Variants in EPB41L1 observed in about 807,000 individuals in gnomAD.
The protein encoded by EPB41L1 is band 4.1-like protein 1.
EPB41L1 carries 29 observed loss-of-function variants against 97.8 expected under a neutral mutation model. The observed-to-expected ratio is 0.30, with a 90% confidence interval of 0.22 to 0.40. The LOEUF (loss-of-function observed/expected upper bound fraction) is 0.40, where lower values mean the gene tolerates loss of function less well. Ranked by LOEUF, EPB41L1 falls within the 10% of genes least tolerant of loss-of-function variation. The pLI, the probability that EPB41L1 is intolerant of heterozygous loss-of-function variation, is 1.00. For synonymous variants in EPB41L1, 383 were observed against 459.2 expected (o/e 0.83, Z 2.12); for missense variants, 812 against 1,162.3 (o/e 0.70, Z 4.38).
intron 9 of EPB41L1, 142 bp downstream of exon 9, chr20:36,188,641 C>CACACACAG (rs1170858082): frequency 9.1e-4 from 249 of 272,490 alleles, no homozygotes; most frequent in East Asian, 3.2e-3. Flanking sequence ...CACACACACA[C>CACACACAG]AGAGAGAGAG....
At chr20:36,188,305 A>G (rs2146283205) in intron 8 of EPB41L1, 42 bp from the exon 9 acceptor site, 2 of 1,611,712 alleles carry the variant, frequency 1.2e-6, no homozygotes, top group Non-Finnish European at 1.7e-6. Flanking sequence ...GTCCCCAGGC[A>G]TGGACCCCGG....
At chr20:36,094,968 A>AT (rs1179706781) in intron 1 of EPB41L1, among the ~76,000 whole-genome samples, 351 of 144,834 alleles carry the variant, frequency 2.4e-3, no homozygotes, top group Middle Eastern at 7.2e-3. Flanking sequence ...CGCCCAGCTA[A>AT]TTTTTTTTTT....
chr20:36,177,539 C>G (rs139553368), intron 3 of EPB41L1, among the ~76,000 whole-genome samples: 2 of 152,192 alleles, frequency 1.3e-5, no homozygotes, highest in Non-Finnish European at 2.9e-5. Flanking sequence ...TCCCCCTGCC[C>G]GCTTCTGTCA....
At chr20:36,131,504 C>G (rs910210840) in intron 2 of EPB41L1, among the ~76,000 whole-genome samples, 2 of 152,070 alleles carry the variant, frequency 1.3e-5, no homozygotes, top group Non-Finnish European at 2.9e-5. Context: ...CATCCTAAGG[C>G]GGGAGGCAGA....
Position 36,206,381 on chromosome 20 carries a change from G to T in EPB41L1, c.1669-3107G>T, listed in dbSNP as rs1369423300. 1.2e-5 allele frequency: 15 copies of T among 1,289,982 alleles called. 1 individual carries two copies. In the South Asian group the frequency reaches 1.6e-4, roughly 14 times the overall value. The allele number at this position is 1,289,982 out of a possible 1,614,324, so 79.9% of individuals were successfully genotyped here. On this transcript the variant is annotated intron_variant, in intron 14 of 21. Coordinates refer to ENST00000338074, the MANE Select transcript of EPB41L1 (RefSeq NM_012156.2). This position sits in a 1 kb window ranked among gnomAD's most constrained non-coding sequence, Gnocchi z 5.5. ...CTCTCTCCAGCCTCCGACAAGGGAG[G>T]ACTCCAGTCGTTTCTATTGGATCCA...
intron 17 of EPB41L1, 82 bp downstream of exon 17, chr20:36,214,522 G>A: frequency 1.7e-6 from 2 of 1,182,640 alleles, no homozygotes; most frequent in South Asian, 1.3e-5. Context: ...ACATCGCCTG[G>A]CTGCTTCAGG....
chr20:36,209,372 C>T lies in EPB41L1; in HGVS notation c.1669-116C>T, dbSNP rs770987600. 483 of 1,047,074 alleles carry T rather than the reference C, an allele frequency of 4.6e-4. No homozygotes were observed. Among genetic ancestry groups the T allele is most frequent in the Non-Finnish European group, 6.0e-4 (456 of 763,516 alleles). The allele number at this position is 1,047,074 out of a possible 1,614,324, so 64.9% of individuals were successfully genotyped here. ...GTTTTTCATTTCCTGGCCTGCTCTTCCATTCAGGATGTCGACACAGCCCCG... is the reference window on the plus strand; with the variant it reads ...GTTTTTCATTTCCTGGCCTGCTCTTTCATTCAGGATGTCGACACAGCCCCG... On this transcript the variant is annotated intron_variant, in intron 14 of 21. Transcript: ENST00000338074. The surrounding 1 kb of genome is among the most constrained non-coding windows in gnomAD (Gnocchi z 4.2).
intron 6 of EPB41L1, among the ~76,000 whole-genome samples, chr20:36,183,307 T>G (rs558480461): frequency 1.8e-4 from 28 of 152,342 alleles, no homozygotes; most frequent in African/African-American, 6.7e-4. Context: ...TCATGTTGAT[T>G]GCGTGTTTGC....
intron 2 of EPB41L1, among the ~76,000 whole-genome samples, chr20:36,144,216 C>G (rs2059753792): frequency 6.6e-6 from 1 of 152,114 alleles, no homozygotes; most frequent in Non-Finnish European, 1.5e-5. Context: ...AAATTGAATT[C>G]AGAGAGGAAA....
intron 6 of EPB41L1, 45 bp from the exon 7 acceptor site, chr20:36,185,072 G>A (rs745861970): frequency 1.8e-4 from 282 of 1,585,500 alleles, no homozygotes; most frequent in Non-Finnish European, 2.2e-4. Flanking sequence ...GGGATCTAGG[G>A]AGGAGTAGGG....
rs2062165140 is a variant in EPB41L1 at position 36,195,725 on chromosome 20, C to T, written c.1485+361C>T. Among the ~76,000 whole-genome samples the T allele has an allele frequency of 1.3e-5, 2 of 152,278 alleles. No homozygotes were observed. The highest frequency in any genetic ancestry group is 4.8e-5 in the African/African-American group (2 of 41,554). ...TTCTGTGCTTTCATTTAGCACATCT[C>T]CCCTGACCCACCCCTTCCCTAGATT... On this transcript the variant is annotated intron_variant, in intron 13 of 21. Transcript: ENST00000338074. This position sits in a 1 kb window ranked among gnomAD's most constrained non-coding sequence, Gnocchi z 4.6.
chr20:36,099,304 T>C (rs1156898269), intron 1 of EPB41L1, among the ~76,000 whole-genome samples: 2 of 152,170 alleles, frequency 1.3e-5, no homozygotes, highest in African/African-American at 4.8e-5. Flanking sequence ...CAATACCTAC[T>C]TCCTTTCCAG....
Position 36,209,701 on chromosome 20 carries a change from T to C in EPB41L1, c.1882T>C (p.Tyr628His), listed in dbSNP as rs756402849. The change falls in exon 15 of 22, where the codon TAC becomes CAC. Residue 628 changes from tyrosine to histidine, a missense_variant. Transcript: ENST00000338074. This position sits in a 1 kb window ranked among gnomAD's most constrained non-coding sequence, Gnocchi z 4.2. ...GGTGGACTTCACGGTCATTGGTGAC[T>C]ACCATGGCAGCGCCTTCGAAGACTT... ...AEVDFTVIGDYHGSAFEDFSR... is the reference protein window; with the variant it reads ...AEVDFTVIGDHHGSAFEDFSR... 1.2e-6 allele frequency: 2 copies of C among 1,614,012 alleles called. No individual in the cohort carries two copies. The highest frequency in any genetic ancestry group is 2.2e-5 in the East Asian group (1 of 44,878).
Position 36,154,953 on chromosome 20 carries a change from C to A in EPB41L1, c.-15+57C>A. 8.7e-7 allele frequency: 1 copy of A among 1,150,824 alleles called. No individual in the cohort carries two copies. Among genetic ancestry groups the A allele is most frequent in the Non-Finnish European group, 1.1e-6 (1 of 917,026 alleles). 71.3% of individuals were successfully genotyped at this position (1,150,824 alleles called of 1,614,324 possible). ...GGGCCGGGGGCTTGCAACATCTAGG[C>A]CCAGCCTCCAGCCCTGGGGAGGAAC... On this transcript the variant is annotated intron_variant, in intron 1 of 21. Coordinates refer to ENST00000338074, the MANE Select transcript of EPB41L1 (RefSeq NM_012156.2). This position sits in a 1 kb window ranked among gnomAD's most constrained non-coding sequence, Gnocchi z 5.5.
At chr20:36,216,876 G>A (rs551036791) in intron 17 of EPB41L1, among the ~76,000 whole-genome samples, 19 of 152,266 alleles carry the variant, frequency 1.2e-4, no homozygotes, top group African/African-American at 4.3e-4. Context: ...CACAGGATTT[G>A]GTCGTTGGTA....
Position 36,116,210 on chromosome 20 carries a change from T to A in EPB41L1, c.-10+3730T>A, listed in dbSNP as rs530032700. Among the ~76,000 whole-genome samples the A allele has an allele frequency of 2.6e-5, 4 of 152,164 alleles. No individual in the cohort carries two copies. In the South Asian group the frequency reaches 8.3e-4, roughly 32 times the overall value. ...AGGGAAAGGGGGAGAAGGGGACATT[T>A]GATCTAAGTTGAGGGGAACTAGGAT... is the stretch of plus-strand genomic sequence containing the variant. On this transcript the variant is annotated intron_variant, in intron 2 of 19. Transcript: ENST00000202028.
Position 36,195,191 on chromosome 20 carries a change from C to T in EPB41L1, c.1450-138C>T. 1 of 978,364 alleles carries T rather than the reference C, an allele frequency of 1.0e-6. No individual in the cohort carries two copies. 60.6% of individuals were successfully genotyped at this position (978,364 alleles called of 1,614,324 possible). A position where few individuals can be genotyped will look rare whatever the true frequency, so the allele number is the denominator to read the frequency against. On this transcript the variant is annotated intron_variant, in intron 12 of 21. Transcript: ENST00000338074. The surrounding 1 kb of genome is among the most constrained non-coding windows in gnomAD (Gnocchi z 4.6). ...CTACCTCACTGCCCTGCTGGTGGCCCACCCAGCTGCCCTGGCCTCCACTTG... is the reference window on the plus strand; with the variant it reads ...CTACCTCACTGCCCTGCTGGTGGCCTACCCAGCTGCCCTGGCCTCCACTTG...
Position 36,092,769 on chromosome 20 carries a change from G to T in EPB41L1, c.-65+1157G>T. ...CGCCGGGGCAGCCGCCGGACACCAG[G>T]ACCGCGAGCCAGACAGCTCCCGGAA... On this transcript the variant is annotated intron_variant, in intron 1 of 19. Transcript: ENST00000202028. This position sits in a 1 kb window ranked among gnomAD's most constrained non-coding sequence, Gnocchi z 7.0. 2 of 152,652 alleles carry T rather than the reference G, an allele frequency of 1.3e-5. No individual in the cohort carries two copies. The highest frequency in any genetic ancestry group is 3.8e-4 in the South Asian group (2 of 5,322). The allele number at this position is 152,652 out of a possible 1,614,324, so 9.5% of individuals were successfully genotyped here.
chr20:36,232,469 A>G lies in EPB41L1; in HGVS notation c.*3129A>G, dbSNP rs1394689449. On this transcript the variant is annotated 3_prime_UTR_variant, in exon 22 of 22. Coordinates refer to ENST00000338074, the MANE Select transcript of EPB41L1 (RefSeq NM_012156.2). ...GGGTCTTTTTCTACTTTGCTATCTCATGGGTCTTCATTTTCTCTTATTTTG... is the reference window on the plus strand; with the variant it reads ...GGGTCTTTTTCTACTTTGCTATCTCGTGGGTCTTCATTTTCTCTTATTTTG... 1.8e-5 allele frequency: 7 copies of G among 397,472 alleles called. No individual in the cohort carries two copies. Among genetic ancestry groups the G allele is most frequent in the Admixed American group, 4.4e-5 (1 of 22,680 alleles). 24.6% of individuals were successfully genotyped at this position (397,472 alleles called of 1,614,324 possible).
Sources: gnomAD v4.1 joint callset for allele counts (sites outside exome capture counted in the v4.1 genomes callset) on GRCh38, gnomAD v4.1.1 for gene constraint, Gnocchi (gnomAD v3.1) non-coding constraint, MANE v1.5 for transcripts, NCBI Gene and HGNC (gene_info 2026-07-23, HGNC 2026-07-21) for gene names.